The following ERMARD variants were observed in gnomAD, a reference collection of about 807,000 sequenced individuals.
ERMARD encodes ER membrane associated RNA degradation, also known as endoplasmic reticulum membrane-associated RNA degradation protein.
Under a neutral mutation model 83.9 loss-of-function variants are expected in ERMARD, and 71 were observed. The observed-to-expected ratio is 0.85, with a 90% CI of 0.70 to 1.03. The LOEUF is 1.03. Ranked by LOEUF, ERMARD falls within the 50% of genes least tolerant of loss-of-function variation. The pLI, the probability that ERMARD is intolerant of heterozygous loss-of-function variation, is 0.00. For missense variants in ERMARD, 838 were observed against 810.9 expected (o/e 1.03, Z -0.41); for synonymous variants, 284 against 298.6 (o/e 0.95, Z 0.50).
chr6:169,754,501 A>C (rs1489096258), intron 2 of ERMARD, among the ~76,000 whole-genome samples: 1 of 152,250 alleles, frequency 6.6e-6, no homozygotes, highest in Non-Finnish European at 1.5e-5. Flanking sequence ...GTCCGTTTTC[A>C]GGAATCCTTA....
rs973877969 is a variant in ERMARD, at chr6:169,751,892, C to T, written c.6+229C>T. On this transcript the variant is annotated intron_variant, in intron 1 of 17. Coordinates refer to ENST00000366773, the MANE Select transcript of ERMARD (RefSeq NM_018341.3). ...CCTGCCGGCCTCCCTGGGCCAGGCTCGGTTTCTCCGTCGCCTCCTGGCCCT... is the reference window on the plus strand; with the variant it reads ...CCTGCCGGCCTCCCTGGGCCAGGCTTGGTTTCTCCGTCGCCTCCTGGCCCT... 15 of 578,592 alleles carry T rather than the reference C, an allele frequency of 2.6e-5. No homozygotes were observed. In the Admixed American group the frequency reaches 5.6e-4, roughly 22 times the overall value. 35.8% of individuals were successfully genotyped at this position (578,592 alleles called of 1,614,324 possible). A position where few individuals can be genotyped will look rare whatever the true frequency, so the allele number is the denominator to read the frequency against.
At chr6:169,773,203 A>G in intron 12 of ERMARD, 116 bp from the exon 13 acceptor site, 1 of 803,430 alleles carries the variant, frequency 1.2e-6, no homozygotes, top group African/African-American at 1.7e-5. Flanking sequence ...CTAGCTGCAT[A>G]GAATTATTTG....
chr6:169,752,359 CTT>C (rs2128339017), intron 1 of ERMARD, among the ~76,000 whole-genome samples: 1 of 152,334 alleles, frequency 6.6e-6, no homozygotes, highest in African/African-American at 2.4e-5. Flanking sequence ...GATAAAGTAA[CTT>C]TTCCAAGGCA....
rs913813619 is a variant in ERMARD at position 169,753,840 on chromosome 6, C to T, written c.7-24C>T. ...TATTTTTCTTTCTGTTAAGCAGTGC[C>T]TTTTATTTTATTTTATTTTTTAGGT... On this transcript the variant is annotated intron_variant, in intron 1 of 17. Transcript: ENST00000366773. 5.9e-5 allele frequency: 88 copies of T among 1,485,690 alleles called. No individual in the cohort carries two copies. The Middle Eastern group carries it at 8.6e-4, about 15-fold the overall frequency. 92.0% of individuals were successfully genotyped at this position (1,485,690 alleles called of 1,614,324 possible).
Position 169,758,998 on chromosome 6 carries a change from C to T in ERMARD, c.538C>T (p.Pro180Ser), listed in dbSNP as rs1464232347. The T allele has an allele frequency of 1.9e-6, 3 of 1,613,994 alleles. No individual in the cohort carries two copies. Among genetic ancestry groups the T allele is most frequent in the Non-Finnish European group, 2.5e-6 (3 of 1,179,968 alleles). ...TGTGCTAAAAGTCTTCGTTGGCTCT[C>T]CGTGTGGTCTCAACCTGCGTAACGT... is the stretch of plus-strand genomic sequence containing the variant. Reference protein sequence around the residue: ...MNVLKVFVGSPCGLNLRNVLW... With the variant: ...MNVLKVFVGSSCGLNLRNVLW... Residue 180 changes from proline to serine, a missense_variant, in exon 6 of 18, where the codon CCG (proline) becomes TCG (serine). Physicochemically the swap from Pro to Ser is moderately conservative, Grantham distance 74 (BLOSUM62 -1). Coordinates refer to ENST00000366773, the MANE Select transcript of ERMARD (RefSeq NM_018341.3).
intron 10 of ERMARD, chr6:169,766,881 C>G (rs1425251356): frequency 2.2e-6 from 1 of 462,594 alleles, no homozygotes; most frequent in Non-Finnish European, 3.8e-6. Flanking sequence ...CTATCCAAAG[C>G]TCAAAGTTGG....
At position 169,773,366 on chromosome 6, in the gene ERMARD, T is replaced by A. The variant is rs1195286218; in HGVS notation, c.1281T>A (p.Ser427Arg). 6.2e-7 allele frequency: 1 copy of A among 1,614,110 alleles called. No individual in the cohort carries two copies. Among genetic ancestry groups the A allele is most frequent in the African/African-American group, 1.3e-5 (1 of 74,946 alleles). Reference protein sequence around the residue: ...ELLISLAEGYSSRCHPVFQLK... With the variant: ...ELLISLAEGYRSRCHPVFQLK... ...TGATTAGTCTTGCAGAAGGCTATAGTTCTCGCTGTCATCCGGTTTTTCAGC... is the reference window on the plus strand; with the variant it reads ...TGATTAGTCTTGCAGAAGGCTATAGATCTCGCTGTCATCCGGTTTTTCAGC... The change falls in exon 13 of 18, where the codon AGT becomes AGA. Residue 427 changes from serine to arginine, a missense_variant. Ser to Arg is a moderately radical substitution (Grantham distance 110). Coordinates refer to ENST00000366773, the MANE Select transcript of ERMARD (RefSeq NM_018341.3).
At chr6:169,760,824 C>A in intron 8 of ERMARD, 68 bp downstream of exon 8, 1 of 1,059,374 alleles carries the variant, frequency 9.4e-7, no homozygotes, top group Non-Finnish European at 1.4e-6. Context: ...ATGCCCTTCA[C>A]TTTCGATGCT....
At chr6:169,770,077 ACT>A (rs958917166) in intron 12 of ERMARD, among the ~76,000 whole-genome samples, 12 of 152,062 alleles carry the variant, frequency 7.9e-5, no homozygotes, top group African/African-American at 1.9e-4. Context: ...TCATCAATAA[ACT>A]CTTTTATTTC....
chr6:169,777,903 T>TATTC (rs1353206069), intron 16 of ERMARD, among the ~76,000 whole-genome samples: 1 of 152,246 alleles, frequency 6.6e-6, no homozygotes, highest in Non-Finnish European at 1.5e-5. Context: ...TTATAATTTG[T>TATTC]ATTCATTCAT....
In ERMARD at chr6:169,769,624, T is replaced by G; in HGVS notation, c.1144T>G (p.Phe382Val). ...CCACGGGGAGATCAACTTACATGAA[T>G]TTTCAAAAGAAACAACTAATCAGTT... ...LSHGEINLHE[F>V]SKETTNQLLA... The change falls in exon 12 of 18, where the codon TTT (phenylalanine) becomes GTT (valine). Residue 382 changes from phenylalanine (F) to valine (V), a missense_variant. Physicochemically the swap from Phe to Val is conservative, Grantham distance 50. Coordinates refer to ENST00000366773, the MANE Select transcript of ERMARD (RefSeq NM_018341.3). 1.2e-6 allele frequency: 2 copies of G among 1,613,482 alleles called. No individual in the cohort carries two copies. Among genetic ancestry groups the G allele is most frequent in the Non-Finnish European group, 1.7e-6 (2 of 1,179,752 alleles).
intron 5 of ERMARD, among the ~76,000 whole-genome samples, chr6:169,758,622 T>C (rs78200958): frequency 0.012 from 1,758 of 152,362 alleles, 22 homozygotes; most frequent in Non-Finnish European, 0.019. Flanking sequence ...AGCAACTTTA[T>C]TAAAGCAGGA....
At chr6:169,775,378 A>G (rs1461578319) in intron 14 of ERMARD, 32 bp downstream of exon 14, 2 of 1,607,922 alleles carry the variant, frequency 1.2e-6, no homozygotes, top group Admixed American at 1.7e-5. Flanking sequence ...GGCTGACCTC[A>G]AGCTTGTCTG....
intron 11 of ERMARD, among the ~76,000 whole-genome samples, chr6:169,768,833 G>A (rs1792536834): frequency 6.6e-6 from 1 of 152,194 alleles, no homozygotes; most frequent in African/African-American, 2.4e-5. Flanking sequence ...ATCATTAATT[G>A]TTTAAGGCCA....
Position 169,756,846 on chromosome 6 carries a change from C to T in ERMARD, c.507+38C>T, listed in dbSNP as rs564497807. The T allele has an allele frequency of 2.8e-5, 44 of 1,563,256 alleles. No homozygotes were observed. In the South Asian group the frequency reaches 3.8e-4, roughly 14 times the overall value. ...ATCTAAACTCATGGAGTATATTAGT[C>T]CGTTTTCATGCTGCTGTTAAAGACA... On this transcript the variant is annotated intron_variant, in intron 5 of 17. Transcript: ENST00000366773.
At position 169,781,318 on chromosome 6, in the gene ERMARD, T is replaced by TC. The variant is rs1271269945; in HGVS notation, c.1854-12_1854-11insC. 6.3e-7 allele frequency: 1 copy of TC among 1,579,288 alleles called. No individual in the cohort carries two copies. The highest frequency in any genetic ancestry group is 2.3e-5 in the East Asian group (1 of 44,216). On this transcript the variant is annotated splice_polypyrimidine_tract_variant and intron_variant, in intron 17 of 17. Transcript: ENST00000366773. ...AATGGAATGGATAAAGAAATTAATT[T>TC]TTTTTTTACAGGTTTGTAAAGTCGA... is the stretch of plus-strand genomic sequence containing the variant.
intron 1 of ERMARD, among the ~76,000 whole-genome samples, chr6:169,752,296 G>A (rs1180650283): frequency 2.0e-5 from 3 of 152,174 alleles, no homozygotes; most frequent in African/African-American, 7.2e-5. Flanking sequence ...GATTACTGTA[G>A]CCCTACCAGG....
chr6:169,756,602 A>T, intron 4 of ERMARD, 117 bp from the exon 5 acceptor site: 3 of 977,876 alleles, frequency 3.1e-6, no homozygotes, highest in Non-Finnish European at 4.6e-6. Flanking sequence ...AAATCAAAGG[A>T]TTGGTGTCTA....
rs763513249 is a variant in ERMARD, at chr6:169,776,617, G to T, written c.1683G>T (p.Trp561Cys). 6.2e-7 allele frequency: 1 copy of T among 1,614,120 alleles called. No homozygotes were observed. The highest frequency in any genetic ancestry group is 1.3e-5 in the African/African-American group (1 of 74,948). ...TVASELRHRQWVERTLRSRQR... is the reference protein window; with the variant it reads ...TVASELRHRQCVERTLRSRQR... ...CCTCAGAGCTGAGACACAGGCAGTG[G>T]GTGGAAAGGACGCTGCGGTCTCGCC... The change falls in exon 16 of 18, where the codon TGG (tryptophan) becomes TGT (cysteine). Residue 561 changes from tryptophan (W) to cysteine (C), a missense_variant. By Grantham distance (215) the Trp-to-Cys change is radical. Coordinates refer to ENST00000366773, the MANE Select transcript of ERMARD (RefSeq NM_018341.3).
Sources: gnomAD v4.1 joint callset for allele counts (sites outside exome capture counted in the v4.1 genomes callset) on GRCh38, gnomAD v4.1.1 for gene constraint, MANE v1.5 for transcripts, NCBI Gene and HGNC (gene_info 2026-07-23, HGNC 2026-07-21) for gene names.